VPS41: variants seen among roughly 807,000 people sequenced by gnomAD.
VPS41 encodes the protein vacuolar protein sorting-associated protein 41 homolog.
A neutral mutation model predicts 130.9 loss-of-function variants in VPS41; 85 were observed. The ratio of observed to expected loss-of-function variants is 0.65; its 90% CI spans 0.55 to 0.78. The LOEUF is 0.78. VPS41 is among the 30% of genes least tolerant of loss of function. The pLI, the probability that VPS41 is intolerant of heterozygous loss-of-function variation, is 0.00. For synonymous variants in VPS41, 335 were observed against 332.9 expected, an observed-to-expected ratio of 1.01 and a Z score of -0.07; for missense variants, 874 against 1,018.7, an observed-to-expected ratio of 0.86 and a Z score of 1.93.
In VPS41 at chr7:38,827,414, A is replaced by G. The variant is rs370722605; in HGVS notation, c.321+2840T>C. ...ATACAACCTATGTATTGCCAAAAGG[A>G]GGAGAAGGGTAAATAGTGCTTAATC... On this transcript the variant is annotated intron_variant, in intron 5 of 28. Transcript: ENST00000310301. 4.9e-4 allele frequency among the ~76,000 whole-genome samples: 75 copies of G among 152,334 alleles called. No homozygotes were observed. The Middle Eastern group carries it at 0.017, about 35-fold the overall frequency.
chr7:38,899,104 C>A (rs1171100127), intron 1 of VPS41, among the ~76,000 whole-genome samples: 7 of 152,172 alleles, frequency 4.6e-5, no homozygotes, highest in Non-Finnish European at 1.5e-5. Context: ...ATTTTAATTT[C>A]ATTCATCAAA....
chr7:38,751,334 C>G (rs1783668870), intron 22 of VPS41, among the ~76,000 whole-genome samples: 1 of 152,144 alleles, frequency 6.6e-6, no homozygotes, highest in South Asian at 2.1e-4. Context: ...ATCTGGCCAT[C>G]CAAATTTAGT....
chr7:38,801,831 G>A (rs1398313564), intron 7 of VPS41, among the ~76,000 whole-genome samples: 4 of 152,100 alleles, frequency 2.6e-5, no homozygotes. Context: ...TTCCTTCTCT[G>A]ACCATACACA....
intron 10 of VPS41, among the ~76,000 whole-genome samples, chr7:38,781,696 C>A (rs958404542): frequency 2.0e-5 from 3 of 152,184 alleles, no homozygotes; most frequent in Non-Finnish European, 4.4e-5. Flanking sequence ...TTCTATTCCT[C>A]TTACCAACAT....
chr7:38,727,861 C>T (rs1303442666), intron 27 of VPS41, among the ~76,000 whole-genome samples: 3 of 152,226 alleles, frequency 2.0e-5, no homozygotes, highest in African/African-American at 7.2e-5. Context: ...CAAATTTCTT[C>T]TGTCATAATA....
intron 5 of VPS41, among the ~76,000 whole-genome samples, chr7:38,827,506 G>T (rs527782845): frequency 6.6e-6 from 1 of 152,236 alleles, no homozygotes. Context: ...AGACTGCAAT[G>T]GATTAAAAAT....
At chr7:38,739,892 T>A (rs1256728498) in intron 25 of VPS41, among the ~76,000 whole-genome samples, 3 of 152,228 alleles carry the variant, frequency 2.0e-5, no homozygotes, top group African/African-American at 7.2e-5. Context: ...AGTAGCTTCT[T>A]TAGTAGATAT....
intron 25 of VPS41, among the ~76,000 whole-genome samples, chr7:38,735,311 A>T (rs879772368): frequency 1.3e-5 from 2 of 152,208 alleles, no homozygotes; most frequent in African/African-American, 4.8e-5. Context: ...GCCCAAAAAA[A>T]GGTTAGTAAG....
intron 9 of VPS41, among the ~76,000 whole-genome samples, chr7:38,792,370 C>T (rs1404552988): frequency 6.6e-6 from 1 of 152,224 alleles, no homozygotes; most frequent in African/African-American, 2.4e-5. Flanking sequence ...CAAGTAGACA[C>T]ACCTAAAACC....
intron 13 of VPS41, 42 bp downstream of exon 13, chr7:38,772,480 G>A: frequency 1.5e-6 from 2 of 1,314,246 alleles, no homozygotes; most frequent in Non-Finnish European, 2.2e-6. Context: ...TCTCTATGCT[G>A]TAGATGAGTC....
At chr7:38,802,529 A>G (rs566642336) in intron 7 of VPS41, among the ~76,000 whole-genome samples, 3 of 152,200 alleles carry the variant, frequency 2.0e-5, no homozygotes. Flanking sequence ...AGAAGGGAGA[A>G]TGGCCAAATG....
chr7:38,885,627 T>C (rs1584445407), intron 2 of VPS41, among the ~76,000 whole-genome samples: 1 of 152,114 alleles, frequency 6.6e-6, no homozygotes, highest in East Asian at 1.9e-4. Flanking sequence ...AATGAGATAA[T>C]CCACATAAAG....
chr7:38,847,259 T>TA (rs937339609), intron 4 of VPS41, among the ~76,000 whole-genome samples: 1 of 151,376 alleles, frequency 6.6e-6, no homozygotes, highest in Non-Finnish European at 1.5e-5. Context: ...AGCCTAGAAA[T>TA]AAACACTGAT....
intron 4 of VPS41, among the ~76,000 whole-genome samples, chr7:38,854,081 G>T (rs990690104): frequency 6.6e-6 from 1 of 152,192 alleles, no homozygotes; most frequent in Non-Finnish European, 1.5e-5. Context: ...AAGTTAGAAT[G>T]ATTTCCATTT....
intron 25 of VPS41, among the ~76,000 whole-genome samples, chr7:38,731,792 A>C (rs952295975): frequency 4.5e-4 from 68 of 152,278 alleles, no homozygotes; most frequent in Non-Finnish European, 9.0e-4. Context: ...ATTAAAAAAA[A>C]ACTGAAAACA....
intron 2 of VPS41, among the ~76,000 whole-genome samples, chr7:38,872,347 T>C (rs1786385097): frequency 6.6e-6 from 1 of 152,196 alleles, no homozygotes; most frequent in Non-Finnish European, 1.5e-5. Context: ...TGGAACACTG[T>C]CATTTCTACA....
chr7:38,793,258 C>T (rs140294549), intron 9 of VPS41, among the ~76,000 whole-genome samples: 165 of 152,306 alleles, frequency 1.1e-3, no homozygotes, highest in African/African-American at 3.9e-3. Context: ...TGGCACACTG[C>T]AGGCACCTGG....
At chr7:38,755,238 C>A (rs1405746411) in intron 19 of VPS41, among the ~76,000 whole-genome samples, 1 of 152,170 alleles carries the variant, frequency 6.6e-6, no homozygotes, top group Non-Finnish European at 1.5e-5. Flanking sequence ...TCCGATGTCT[C>A]GGATACCTTC....
intron 17 of VPS41, among the ~76,000 whole-genome samples, chr7:38,761,212 T>C (rs1477059199): frequency 6.7e-6 from 1 of 150,124 alleles, no homozygotes; most frequent in Non-Finnish European, 1.5e-5. Flanking sequence ...CCCTTCCTTT[T>C]CTTTCTCTCT....
Sources: gnomAD v4.1 joint callset for allele counts (sites outside exome capture counted in the v4.1 genomes callset) on GRCh38, gnomAD v4.1.1 for gene constraint, MANE v1.5 for transcripts, NCBI Gene and HGNC (gene_info 2026-07-23, HGNC 2026-07-21) for gene names.